Variants in FAT3 observed in about 807,000 individuals in gnomAD.
FAT3 encodes the protein FAT atypical cadherin 3.
FAT3 carries 95 observed loss-of-function variants against 310.2 expected under a neutral mutation model. The observed-to-expected ratio is 0.31, with a 90% CI of 0.26 to 0.36. The LOEUF is 0.36. Among genes scored for constraint, FAT3 ranks in the 10% least tolerant of loss-of-function variants. FAT3 has a pLI of 1.00. For synonymous variants in FAT3, 2,314 were observed against 2,192.9 expected, an observed-to-expected ratio of 1.06 and a Z score of -1.54; for missense variants, 5,408 against 5,715.6, an observed-to-expected ratio of 0.95 and a Z score of 1.74.
At chr11:92,239,487 C>T (rs946009491) in intron 1 of FAT3, among the ~76,000 whole-genome samples, 2 of 152,130 alleles carry the variant, frequency 1.3e-5, no homozygotes, top group African/African-American at 4.8e-5. Context: ...TTTCCAGGCT[C>T]TCTGACTCCA....
intron 3 of FAT3, among the ~76,000 whole-genome samples, chr11:92,526,690 A>G (rs1364085204): frequency 6.6e-6 from 1 of 152,168 alleles, no homozygotes; most frequent in Middle Eastern, 3.2e-3. Flanking sequence ...TAAAAGTTTG[A>G]ACATAATTTT....
chr11:92,859,767 C>T (rs896801814), intron 21 of FAT3, among the ~76,000 whole-genome samples: 1 of 152,140 alleles, frequency 6.6e-6, no homozygotes. Flanking sequence ...TTCGTATGTC[C>T]TATCATGACC....
intron 3 of FAT3, among the ~76,000 whole-genome samples, chr11:92,680,923 C>T (rs930432645): frequency 6.6e-6 from 1 of 152,302 alleles, no homozygotes; most frequent in South Asian, 2.1e-4. Context: ...TGGGAAACAT[C>T]TAGAAACTTT....
intron 3 of FAT3, among the ~76,000 whole-genome samples, chr11:92,525,668 A>C (rs2135365416): frequency 7.5e-6 from 1 of 133,574 alleles, no homozygotes; most frequent in South Asian, 2.8e-4. Flanking sequence ...TTAGGTCTGA[A>C]CAAAGGAGTA....
At chr11:92,365,796 C>G (rs1300171018) in intron 2 of FAT3, among the ~76,000 whole-genome samples, 1 of 152,156 alleles carries the variant, frequency 6.6e-6, no homozygotes, top group Admixed American at 6.5e-5. Context: ...GCACTCCTAC[C>G]CCTCATAGGT....
At chr11:92,864,245 C>T (rs1484956479) in intron 21 of FAT3, among the ~76,000 whole-genome samples, 1 of 151,896 alleles carries the variant, frequency 6.6e-6, no homozygotes, top group Non-Finnish European at 1.5e-5. Context: ...GTTAATTGAA[C>T]ATCTTTTTAC....
At position 92,566,467 on chromosome 11, in the gene FAT3, T is replaced by A. The variant is rs556054257; in HGVS notation, c.3607+41519T>A. On this transcript the variant is annotated intron_variant, in intron 3 of 27. Coordinates refer to ENST00000525166, the MANE Select transcript of FAT3 (RefSeq NM_001367949.2). ...GTGAAAATGGCCATACTGCCCAAGG[T>A]AATTTATAGATTCAATGCCATCCCC... Among the ~76,000 whole-genome samples, 116 of 151,980 alleles carry A rather than the reference T, an allele frequency of 7.6e-4. 1 individual carries two copies. In the East Asian group the frequency reaches 0.019, roughly 25 times the overall value.
At chr11:92,604,761 G>T (rs555026719) in intron 3 of FAT3, among the ~76,000 whole-genome samples, 70 of 152,280 alleles carry the variant, frequency 4.6e-4, no homozygotes, top group African/African-American at 1.6e-3. Flanking sequence ...GCCCCTTCCT[G>T]GCATGGCACA....
intron 2 of FAT3, among the ~76,000 whole-genome samples, chr11:92,507,667 T>G (rs1028592021): frequency 2.0e-4 from 30 of 149,728 alleles, no homozygotes; most frequent in Admixed American, 1.7e-3. Flanking sequence ...TACACATATA[T>G]GTACACATAT....
intron 1 of FAT3, among the ~76,000 whole-genome samples, chr11:92,231,252 A>G (rs1650067311): frequency 6.6e-6 from 1 of 152,068 alleles, no homozygotes; most frequent in Non-Finnish European, 1.5e-5. Flanking sequence ...TTGTCACAGA[A>G]CACCTCAGAG....
intron 2 of FAT3, among the ~76,000 whole-genome samples, chr11:92,446,417 T>C (rs966326095): frequency 3.9e-5 from 6 of 152,190 alleles, no homozygotes; most frequent in African/African-American, 1.2e-4. Context: ...TATTACTCTC[T>C]GCTGAGCTAT....
At position 92,651,705 on chromosome 11, in the gene FAT3, C is replaced by A. The variant is rs549308934; in HGVS notation, c.3608-45679C>A. 3.3e-5 allele frequency among the ~76,000 whole-genome samples: 5 copies of A among 152,318 alleles called. No individual in the cohort carries two copies. In the East Asian group the frequency reaches 9.7e-4, roughly 29 times the overall value. ...CTGCCAAAATGGTCAGTCCCCTGCA[C>A]ACTTCCAGATTTCCAGTTTTTCCTC... is the stretch of plus-strand genomic sequence containing the variant. On this transcript the variant is annotated intron_variant, in intron 3 of 27. Transcript: ENST00000525166.
rs1947242809 is a variant in FAT3, at chr11:92,798,669, G to T, written c.5656G>T (p.Ala1886Ser). Reference sequence around the variant, plus strand: ...TGATAACCCACCTGTTTTTACTCAGGCTGTGTTTGAGACTATCTTACTTCT... The same window carrying T: ...TGATAACCCACCTGTTTTTACTCAGTCTGTGTTTGAGACTATCTTACTTCT... ...VNDNPPVFTQ[A>S]VFETILLLPT... The change falls in exon 10 of 28, where the codon GCT (alanine) becomes TCT (serine). Residue 1886 changes from alanine (A) to serine (S), a missense_variant. Transcript: ENST00000525166. 6.2e-7 allele frequency: 1 copy of T among 1,613,544 alleles called. No homozygotes were observed. The highest frequency in any genetic ancestry group is 1.7e-5 in the Admixed American group (1 of 59,958).
intron 2 of FAT3, among the ~76,000 whole-genome samples, chr11:92,486,357 C>A (rs977938742): frequency 6.6e-6 from 1 of 151,482 alleles, no homozygotes; most frequent in Non-Finnish European, 1.5e-5. Context: ...GCTTTGGAGG[C>A]ACATTTTGTT....
intron 2 of FAT3, among the ~76,000 whole-genome samples, chr11:92,485,664 A>G (rs1952358518): frequency 6.6e-6 from 1 of 152,188 alleles, no homozygotes; most frequent in Non-Finnish European, 1.5e-5. Context: ...ACACACACAA[A>G]CAAATACAGT....
intron 5 of FAT3, among the ~76,000 whole-genome samples, chr11:92,762,614 A>G (rs1469185764): frequency 6.6e-6 from 1 of 152,250 alleles, no homozygotes; most frequent in Non-Finnish European, 1.5e-5. Context: ...GAGCATGGAT[A>G]TAGCTGTGTA....
chr11:92,353,169 C>A lies in FAT3; in HGVS notation c.1057C>A (p.Pro353Thr). 6.2e-7 allele frequency: 1 copy of A among 1,613,598 alleles called. No homozygotes were observed. Among genetic ancestry groups the A allele is most frequent in the Non-Finnish European group, 8.5e-7 (1 of 1,179,826 alleles). Residue 353 changes from proline (P) to threonine (T), a missense_variant, in exon 2 of 28, where the codon CCT (proline) becomes ACT (threonine). Physicochemically the swap from Pro to Thr is conservative, Grantham distance 38 (BLOSUM62 -1). Coordinates refer to ENST00000525166, the MANE Select transcript of FAT3 (RefSeq NM_001367949.2). ...LTLQAKDKGS[P>T]QKCSALKAVY... ...TCTTCAAGCAAAAGACAAGGGATCT[C>A]CTCAAAAATGTTCAGCATTAAAGGC...
intron 4 of FAT3, among the ~76,000 whole-genome samples, chr11:92,716,069 T>C (rs1242478653): frequency 1.3e-5 from 2 of 152,152 alleles, no homozygotes; most frequent in African/African-American, 4.8e-5. Context: ...AAGAGGACTT[T>C]GGAGTTAGAA....
chr11:92,589,537 A>G (rs531757319), intron 3 of FAT3, among the ~76,000 whole-genome samples: 1 of 152,226 alleles, frequency 6.6e-6, no homozygotes, highest in Admixed American at 6.5e-5. Flanking sequence ...AATACACACT[A>G]AACAGTTTTT....
Sources: allele counts gnomAD v4.1 joint callset (sites outside exome capture counted in the v4.1 genomes callset), GRCh38; gene constraint gnomAD v4.1.1; transcripts MANE v1.5; gene names NCBI Gene and HGNC (gene_info 2026-07-23, HGNC 2026-07-21).